Variants in FLI1 observed in about 807,000 individuals in gnomAD.
FLI1 encodes the protein Fli-1 proto-oncogene, ETS transcription factor.
FLI1 carries 13 observed loss-of-function variants against 53.1 expected under a neutral mutation model. The observed-to-expected ratio is 0.24, with a 90% CI of 0.16 to 0.39. FLI1 has a LOEUF of 0.39. Among genes scored for constraint, FLI1 ranks in the 10% least tolerant of loss-of-function variants. The pLI is 1.00. For missense variants in FLI1, 424 were observed against 600.5 expected, an observed-to-expected ratio of 0.71 and a Z score of 3.07; for synonymous variants, 244 against 236.7, an observed-to-expected ratio of 1.03 and a Z score of -0.28.
intron 1 of FLI1, among the ~76,000 whole-genome samples, chr11:128,701,578 A>G (rs1938335661): frequency 6.6e-6 from 1 of 152,236 alleles, no homozygotes; most frequent in South Asian, 2.1e-4. Context: ...CCCTACAAAA[A>G]TGAAGCAAAC....
chr11:128,727,529 A>G (rs1939532922), intron 1 of FLI1, among the ~76,000 whole-genome samples: 1 of 152,202 alleles, frequency 6.6e-6, no homozygotes. Flanking sequence ...GGCCAGGTCT[A>G]GAGTAGTGGT....
At chr11:128,689,895 C>G (rs1300228952), upstream of FLI1, among the ~76,000 whole-genome samples, 1 of 151,718 alleles carries the variant, frequency 6.6e-6, no homozygotes, top group Non-Finnish European at 1.5e-5. Flanking sequence ...TCCCACGTAG[C>G]GTTCTGAACC....
intron 5 of FLI1, among the ~76,000 whole-genome samples, chr11:128,803,634 A>C (rs1340704840): frequency 6.6e-6 from 1 of 152,152 alleles, no homozygotes; most frequent in Non-Finnish European, 1.5e-5. Flanking sequence ...ACTCACATGC[A>C]AGGACGAGGA....
At chr11:128,726,376 G>A (rs75693468) in intron 1 of FLI1, among the ~76,000 whole-genome samples, 19,628 of 152,152 alleles carry the variant, frequency 0.13, 1,489 homozygotes, top group East Asian at 0.31. Context: ...GGGTGCAACC[G>A]GGAAGCCCAA....
At chr11:128,748,116 A>C in intron 1 of FLI1, 5 of 221,516 alleles carry the variant, frequency 2.3e-5, no homozygotes, top group Non-Finnish European at 3.8e-5. Context: ...GTTACAGGGT[A>C]CAGTCCTGGG....
chr11:128,697,646 A>G (rs1437811357), intron 1 of FLI1, among the ~76,000 whole-genome samples: 4 of 152,242 alleles, frequency 2.6e-5, no homozygotes, highest in African/African-American at 9.6e-5. Flanking sequence ...AAAGCCTGCC[A>G]CCTTAGCTGG....
At chr11:128,761,701 T>C (rs1171494748) in intron 2 of FLI1, among the ~76,000 whole-genome samples, 1 of 152,060 alleles carries the variant, frequency 6.6e-6, no homozygotes, top group Non-Finnish European at 1.5e-5. Context: ...ACTGATCCTG[T>C]GCAAAGAGGG....
chr11:128,749,406 G>T (rs183652585), intron 1 of FLI1, among the ~76,000 whole-genome samples: 16 of 152,112 alleles, frequency 1.1e-4, no homozygotes, highest in Non-Finnish European at 2.1e-4. Context: ...CTGTGGCCTC[G>T]GTTCCTCTCC....
At chr11:128,722,529 A>G (rs770393732) in intron 1 of FLI1, among the ~76,000 whole-genome samples, 2 of 152,238 alleles carry the variant, frequency 1.3e-5, no homozygotes, top group African/African-American at 2.4e-5. Flanking sequence ...CAGGCAATGC[A>G]GCTTTGTCTG....
At chr11:128,701,049 A>G (rs2135701703) in intron 1 of FLI1, among the ~76,000 whole-genome samples, 1 of 152,354 alleles carries the variant, frequency 6.6e-6, no homozygotes, top group African/African-American at 2.4e-5. Flanking sequence ...CCACACAAGA[A>G]ATGAGCAGCA....
At chr11:128,722,424 G>T (rs1267923899) in intron 1 of FLI1, among the ~76,000 whole-genome samples, 1 of 152,210 alleles carries the variant, frequency 6.6e-6, no homozygotes, top group Non-Finnish European at 1.5e-5. Flanking sequence ...GGACACCTTG[G>T]CTGCTTAGCC....
Position 128,811,300 on chromosome 11 carries a change from C to T in FLI1, c.*312C>T. 1 of 430,860 alleles carries T rather than the reference C, an allele frequency of 2.3e-6. No homozygotes were observed. The highest frequency in any genetic ancestry group is 4.2e-6 in the Non-Finnish European group (1 of 240,114). The allele number at this position is 430,860 out of a possible 1,614,324, so 26.7% of individuals were successfully genotyped here. On this transcript the variant is annotated 3_prime_UTR_variant, in exon 9 of 9. Transcript: ENST00000527786. ...TTAAGTCATGGTTCTGAGAAAGAAG[C>T]TGTACGTTTTCTTTATGTTTTTATG...
rs1387412409 is a variant in FLI1, at chr11:128,810,783, TCTC to T, written c.1157_1159del (p.Ser386del). The T allele has an allele frequency of 2.5e-6, 4 of 1,613,930 alleles. No individual in the cohort carries two copies. The highest frequency in any genetic ancestry group is 3.4e-6 in the Non-Finnish European group (4 of 1,179,914). ...TCCATGTACAAGTACCCTTCTGACA[TCTC>T]CTACATGCCTTCCTACCATGCCCAC... On this transcript the variant is annotated inframe_deletion, in exon 9 of 9. Transcript: ENST00000527786. This position sits in a 1 kb window ranked among gnomAD's most constrained non-coding sequence, Gnocchi z 6.6.
rs1035982256 is a variant in FLI1 at position 128,811,532 on chromosome 11, G to A, written c.*544G>A. On this transcript the variant is annotated 3_prime_UTR_variant, in exon 9 of 9. Transcript: ENST00000527786. ...TCACCCAACTGGAATTTGATGGAAA[G>A]AAGGTTTGTGTGTTTAAGACGCCAA... 2.2e-5 allele frequency: 5 copies of A among 231,130 alleles called. No homozygotes were observed. The highest frequency in any genetic ancestry group is 4.2e-5 in the Non-Finnish European group (5 of 117,710). 14.3% of individuals were successfully genotyped at this position (231,130 alleles called of 1,614,324 possible).
At chr11:128,716,736 G>A (rs1184260776) in intron 1 of FLI1, among the ~76,000 whole-genome samples, 1 of 152,142 alleles carries the variant, frequency 6.6e-6, no homozygotes, top group African/African-American at 2.4e-5. Context: ...GGTCAGCTGC[G>A]GTGAGCCTGG....
At chr11:128,790,174 T>C (rs1942227928) in intron 5 of FLI1, among the ~76,000 whole-genome samples, 1 of 152,140 alleles carries the variant, frequency 6.6e-6, no homozygotes, top group East Asian at 1.9e-4. Context: ...TCTATTTTAT[T>C]TTTTAAAAAC....
At chr11:128,778,121 T>C (rs184007536) in intron 4 of FLI1, among the ~76,000 whole-genome samples, 338 of 152,348 alleles carry the variant, frequency 2.2e-3, no homozygotes, top group Non-Finnish European at 3.7e-3. Flanking sequence ...TAAATAGATA[T>C]ATGTATATGC....
chr11:128,706,761 G>A (rs1431209569), intron 1 of FLI1, among the ~76,000 whole-genome samples: 1 of 152,176 alleles, frequency 6.6e-6, no homozygotes, highest in Non-Finnish European at 1.5e-5. Context: ...ATTGAAGAGG[G>A]CACTTTCCAT....
At chr11:128,714,929 A>G (rs587786) in intron 1 of FLI1, among the ~76,000 whole-genome samples, 132,968 of 151,754 alleles carry the variant, frequency 0.88, 58,307 homozygotes, top group East Asian at 0.99. Context: ...GAATGGTCTC[A>G]ATCTCTTGAC....
Sources: gnomAD v4.1 joint callset for allele counts (sites outside exome capture counted in the v4.1 genomes callset) on GRCh38, gnomAD v4.1.1 for gene constraint, Gnocchi (gnomAD v3.1) non-coding constraint, MANE v1.5 for transcripts, NCBI Gene and HGNC (gene_info 2026-07-23, HGNC 2026-07-21) for gene names.